Variants in RAP1A observed in about 807,000 individuals in gnomAD.
The protein encoded by RAP1A is ras-related protein Rap-1A.
In RAP1A, 6 loss-of-function variants were observed where a neutral mutation model predicts 26.4. The observed-to-expected ratio is 0.23, with a 90% CI of 0.12 to 0.45. The LOEUF (loss-of-function observed/expected upper bound fraction) is 0.45. Ranked by LOEUF, RAP1A falls within the 20% of genes least tolerant of loss-of-function variation. The probability of loss-of-function intolerance (pLI) is 0.99; values close to 1 mark genes in which losing one functional copy is unlikely to be tolerated. For missense variants in RAP1A, 121 were observed against 217.2 expected (o/e 0.56, Z 2.78); for synonymous variants, 73 against 79.4 (o/e 0.92, Z 0.43).
intron 1 of RAP1A, among the ~76,000 whole-genome samples, chr1:111,547,798 A>G (rs2101031636): frequency 6.6e-6 from 1 of 152,344 alleles, no homozygotes; most frequent in East Asian, 1.9e-4. Flanking sequence ...GAGCATTGTC[A>G]TGGTGGAGAA....
chr1:111,655,236 A>C (rs1368142209), intron 1 of RAP1A, among the ~76,000 whole-genome samples: 1 of 85,496 alleles, frequency 1.2e-5, no homozygotes, highest in Non-Finnish European at 2.3e-5. Context: ...AAATAACTGA[A>C]AAAAAAGAAA....
chr1:111,661,721 C>A (rs1484084794), intron 1 of RAP1A, among the ~76,000 whole-genome samples: 2 of 151,394 alleles, frequency 1.3e-5, no homozygotes, highest in Admixed American at 1.3e-4. Context: ...ATCACTTGAA[C>A]CCTGGAGGCG....
intron 1 of RAP1A, among the ~76,000 whole-genome samples, chr1:111,598,465 T>C (rs1331827792): frequency 6.7e-6 from 1 of 149,394 alleles, no homozygotes; most frequent in African/African-American, 2.5e-5. Flanking sequence ...TGAGGAGCAC[T>C]TTTTTTTTTG....
intron 1 of RAP1A, among the ~76,000 whole-genome samples, chr1:111,574,409 C>T (rs1156277666): frequency 1.3e-5 from 2 of 152,154 alleles, no homozygotes; most frequent in Non-Finnish European, 2.9e-5. Flanking sequence ...CAGCTTCATC[C>T]TTTTGCTTAG....
intron 1 of RAP1A, among the ~76,000 whole-genome samples, chr1:111,651,892 G>A (rs1468728758): frequency 1.3e-5 from 2 of 151,636 alleles, no homozygotes; most frequent in East Asian, 1.9e-4. Flanking sequence ...GATTACAGGC[G>A]TGAGAGACCG....
At chr1:111,644,035 CATT>C (rs891369957) in intron 1 of RAP1A, among the ~76,000 whole-genome samples, 4 of 152,182 alleles carry the variant, frequency 2.6e-5, no homozygotes, top group Non-Finnish European at 5.9e-5. Context: ...GGCCTACTCA[CATT>C]ATTGACGATA....
intron 7 of RAP1A, among the ~76,000 whole-genome samples, chr1:111,710,256 A>T (rs567501474): frequency 6.6e-6 from 1 of 152,220 alleles, no homozygotes; most frequent in African/African-American, 2.4e-5. Flanking sequence ...AAGGTTTTCT[A>T]TTTGGGCTTC....
chr1:111,676,393 G>C (rs1317722302), intron 1 of RAP1A, among the ~76,000 whole-genome samples: 1 of 151,780 alleles, frequency 6.6e-6, no homozygotes, highest in Non-Finnish European at 1.5e-5. Flanking sequence ...TGGGGACACA[G>C]AGCCAAACCA....
intron 6 of RAP1A, chr1:111,706,523 A>G (rs951398204): frequency 5.8e-6 from 1 of 172,096 alleles, no homozygotes; most frequent in Non-Finnish European, 1.2e-5. Flanking sequence ...TTAAAGTAGT[A>G]TATGGCTATG....
intron 1 of RAP1A, among the ~76,000 whole-genome samples, chr1:111,629,015 T>C (rs1481965777): frequency 6.6e-6 from 1 of 152,184 alleles, no homozygotes; most frequent in Non-Finnish European, 1.5e-5. Flanking sequence ...TTTTAGACTT[T>C]GTATTTCTGG....
intron 5 of RAP1A, 143 bp downstream of exon 5, chr1:111,703,619 T>A: frequency 1.3e-6 from 1 of 753,122 alleles, no homozygotes; most frequent in South Asian, 3.9e-5. Flanking sequence ...GAAAAAAATT[T>A]AACTTTCAAA....
At chr1:111,578,029 G>A (rs1447527305) in intron 1 of RAP1A, among the ~76,000 whole-genome samples, 1 of 152,226 alleles carries the variant, frequency 6.6e-6, no homozygotes, top group African/African-American at 2.4e-5. Flanking sequence ...AAGTATCTCA[G>A]GTGCTCTGGC....
At chr1:111,632,513 T>C (rs1659596790) in intron 1 of RAP1A, among the ~76,000 whole-genome samples, 1 of 152,066 alleles carries the variant, frequency 6.6e-6, no homozygotes, top group African/African-American at 2.4e-5. Flanking sequence ...CGTGCTAGAC[T>C]GTGGAAAAGG....
Position 111,642,930 on chromosome 1 carries a change from C to T in RAP1A, c.-28+22996C>T, listed in dbSNP as rs185039897. ...GACTACAGGTGTGCGCCACCACACC[C>T]GGCTAATTTTTTGTTATTATTAGTA... is the stretch of plus-strand genomic sequence containing the variant. On this transcript the variant is annotated intron_variant, in intron 1 of 7. Coordinates refer to ENST00000369709, the MANE Select transcript of RAP1A (RefSeq NM_002884.4). 9.0e-4 allele frequency among the ~76,000 whole-genome samples: 136 copies of T among 151,938 alleles called. 1 individual carries two copies. The highest frequency in any genetic ancestry group is 2.9e-3 in the African/African-American group (122 of 41,444).
chr1:111,607,191 TG>T (rs1341579428), intron 1 of RAP1A, among the ~76,000 whole-genome samples: 2 of 151,492 alleles, frequency 1.3e-5, no homozygotes, highest in Admixed American at 6.6e-5. Flanking sequence ...TTTGTGTCCC[TG>T]GGTACTTGAG....
chr1:111,644,715 A>ACG (rs1660011150), intron 1 of RAP1A, among the ~76,000 whole-genome samples: 1 of 152,246 alleles, frequency 6.6e-6, no homozygotes, highest in Admixed American at 6.5e-5. Context: ...GAGCCAGATT[A>ACG]TGTAGAATGT....
chr1:111,665,416 A>G (rs887262213), intron 1 of RAP1A, among the ~76,000 whole-genome samples: 1 of 152,188 alleles, frequency 6.6e-6, no homozygotes, highest in African/African-American at 2.4e-5. Context: ...AAACTTAGCT[A>G]TACTTGGCAT....
chr1:111,704,557 T>C, intron 6 of RAP1A, 71 bp downstream of exon 6: 1 of 1,430,270 alleles, frequency 7.0e-7, no homozygotes. Context: ...GCCAGACTTT[T>C]AAGAAAAAAT....
intron 1 of RAP1A, among the ~76,000 whole-genome samples, chr1:111,652,500 G>C (rs1424115334): frequency 6.6e-6 from 1 of 151,568 alleles, no homozygotes; most frequent in Non-Finnish European, 1.5e-5. Context: ...TTTTAAATAA[G>C]AAAGAATAAT....
Sources: gnomAD v4.1 joint callset for allele counts (sites outside exome capture counted in the v4.1 genomes callset) on GRCh38, gnomAD v4.1.1 for gene constraint, MANE v1.5 for transcripts, NCBI Gene and HGNC (gene_info 2026-07-23, HGNC 2026-07-21) for gene names.